Variants in ZNF536 observed in about 807,000 individuals in gnomAD.
The protein encoded by ZNF536 is zinc finger protein 536.
In ZNF536, 13 loss-of-function variants were observed where a neutral mutation model predicts 84.5. The observed-to-expected ratio is 0.15, with a 90% confidence interval of 0.10 to 0.24. The LOEUF (loss-of-function observed/expected upper bound fraction) is 0.24. Among genes scored for constraint, ZNF536 ranks in the 10% least tolerant of loss-of-function variants. ZNF536 has a pLI of 1.00. For synonymous variants in ZNF536, 811 were observed against 742.5 expected, an observed-to-expected ratio of 1.09 and a Z score of -1.50; for missense variants, 1,536 against 1,747.5, an observed-to-expected ratio of 0.88 and a Z score of 2.16.
intron 2 of ZNF536, among the ~76,000 whole-genome samples, chr19:30,288,108 A>G (rs1347632151): frequency 6.6e-6 from 1 of 152,222 alleles, no homozygotes; most frequent in Non-Finnish European, 1.5e-5. Context: ...AAATGTCTTT[A>G]AAAATCCACA....
At chr19:30,313,766 G>A (rs1444768643) in intron 2 of ZNF536, among the ~76,000 whole-genome samples, 1 of 152,188 alleles carries the variant, frequency 6.6e-6, no homozygotes, top group Non-Finnish European at 1.5e-5. Context: ...GTGGCATCCT[G>A]AGTACAGGTG....
chr19:30,243,420 T>G (rs2024071464), intron 1 of ZNF536, among the ~76,000 whole-genome samples: 1 of 152,194 alleles, frequency 6.6e-6, no homozygotes, highest in Non-Finnish European at 1.5e-5. Context: ...CAACAGTTCT[T>G]TTTCCTCCGA....
intron 1 of ZNF536, among the ~76,000 whole-genome samples, chr19:30,598,839 TTC>T (rs1163587454): frequency 2.0e-5 from 3 of 152,016 alleles, no homozygotes; most frequent in Admixed American, 6.5e-5. Context: ...GAAAAATTTC[TTC>T]TCTCTTTTCT....
chr19:30,645,767 T>TGCAGCCCACTA (rs891865434), intron 1 of ZNF536, among the ~76,000 whole-genome samples: 1 of 152,236 alleles, frequency 6.6e-6, no homozygotes, highest in African/African-American at 2.4e-5. Flanking sequence ...TGCTAGTGGC[T>TGCAGCCCACTA]GCAGCCCACT....
In ZNF536 at chr19:30,557,347, G is replaced by A. The variant is rs78207217; in HGVS notation, c.*183G>A. The A allele has an allele frequency of 2.3e-3, 1,320 of 577,558 alleles. 17 individuals carry two copies. The highest frequency in any genetic ancestry group is 0.023 in the African/African-American group (1,211 of 52,996). 35.8% of individuals were successfully genotyped at this position (577,558 alleles called of 1,614,324 possible). On this transcript the variant is annotated 3_prime_UTR_variant, in exon 5 of 5. Transcript: ENST00000355537. ...GGTGCACCAATCTACAGTATATATAGCAGAGAATCAGAGGCTAAAAATATT... is the reference window on the plus strand; with the variant it reads ...GGTGCACCAATCTACAGTATATATAACAGAGAATCAGAGGCTAAAAATATT...
intron 1 of ZNF536, among the ~76,000 whole-genome samples, chr19:30,282,089 A>G (rs1213548302): frequency 6.6e-6 from 1 of 152,256 alleles, no homozygotes; most frequent in Non-Finnish European, 1.5e-5. Context: ...ATCTGTGGTC[A>G]GATGGAGTCA....
rs2048646562 is a variant in ZNF536 at position 30,372,553 on chromosome 19, C to G, written c.-6C>G. 1 of 152,116 alleles carries G rather than the reference C, an allele frequency of 6.6e-6. No homozygotes were observed. The highest frequency in any genetic ancestry group is 2.4e-5 in the African/African-American group (1 of 41,422). 9.4% of individuals were successfully genotyped at this position (152,116 alleles called of 1,614,324 possible). On this transcript the variant is annotated 5_prime_UTR_variant, in exon 1 of 5. It introduces an in-frame stop codon into an upstream open reading frame of the 5' UTR. Coordinates refer to ENST00000355537, the MANE Select transcript of ZNF536 (RefSeq NM_014717.3). ...GTTCCATTTCCATTTTCCCTGTTCT[C>G]AAGGTAATTCAGCTTTCTTTGTGTG...
chr19:30,645,670 C>T (rs2049439347), intron 1 of ZNF536, among the ~76,000 whole-genome samples: 1 of 152,178 alleles, frequency 6.6e-6, no homozygotes, highest in Admixed American at 6.5e-5. Context: ...GGATCTGTGT[C>T]TATATCCATA....
chr19:30,661,007 T>G (rs997649245), intron 1 of ZNF536, among the ~76,000 whole-genome samples: 59 of 152,346 alleles, frequency 3.9e-4, no homozygotes, highest in African/African-American at 1.4e-3. Flanking sequence ...GTGAGCCCAG[T>G]GTTCCGAAGA....
intron 4 of ZNF536, among the ~76,000 whole-genome samples, chr19:30,549,983 A>G (rs1421890122): frequency 1.3e-5 from 2 of 152,234 alleles, no homozygotes; most frequent in African/African-American, 2.4e-5. Context: ...AGAGGATACT[A>G]AAATCATATC....
At chr19:30,386,484 C>T (rs2147267471) in intron 1 of ZNF536, among the ~76,000 whole-genome samples, 1 of 152,306 alleles carries the variant, frequency 6.6e-6, no homozygotes, top group Middle Eastern at 3.4e-3. Flanking sequence ...CTCAGGTGAT[C>T]CTCCTACCTC....
chr19:30,314,224 A>T (rs2046603650), intron 2 of ZNF536, among the ~76,000 whole-genome samples: 1 of 152,168 alleles, frequency 6.6e-6, no homozygotes. Flanking sequence ...GCAGGGCAGC[A>T]GTCCTGAGCT....
intron 4 of ZNF536, among the ~76,000 whole-genome samples, chr19:30,553,102 A>T (rs934467932): frequency 6.6e-6 from 1 of 152,228 alleles, no homozygotes; most frequent in East Asian, 1.9e-4. Context: ...CTCCAGTGCC[A>T]TCGGAGAATT....
At chr19:30,407,118 G>T (rs1270101073) in intron 1 of ZNF536, among the ~76,000 whole-genome samples, 2 of 152,180 alleles carry the variant, frequency 1.3e-5, no homozygotes, top group African/African-American at 2.4e-5. Flanking sequence ...ACCGGAACCA[G>T]GGAGCCAGCC....
chr19:30,463,062 G>T (rs1040817161), intron 2 of ZNF536, among the ~76,000 whole-genome samples: 1 of 142,908 alleles, frequency 7.0e-6, no homozygotes, highest in Non-Finnish European at 1.6e-5. Context: ...GTGTTGGAAT[G>T]GGATGGGGTG....
exon 2 of ZNF536, chr19:30,712,486 G>C (rs1342378620): frequency 6.6e-6 from 1 of 150,422 alleles, no homozygotes; most frequent in African/African-American, 2.4e-5. Context: ...TTAAACCCCA[G>C]GGCCTTAAAA....
chr19:30,540,203 G>C (rs1385630215), intron 3 of ZNF536, among the ~76,000 whole-genome samples: 2 of 152,126 alleles, frequency 1.3e-5, no homozygotes, highest in Non-Finnish European at 2.9e-5. Flanking sequence ...ACTCCTGGCT[G>C]CTGTCTTCAC....
chr19:30,254,628 GA>G (rs1184348924), intron 1 of ZNF536, among the ~76,000 whole-genome samples: 3 of 149,840 alleles, frequency 2.0e-5, no homozygotes, highest in Admixed American at 6.7e-5. Context: ...CTGGAATGTG[GA>G]CCCGCCAATG....
intron 2 of ZNF536, among the ~76,000 whole-genome samples, chr19:30,520,752 C>T (rs140903705): frequency 9.2e-5 from 14 of 152,202 alleles, no homozygotes; most frequent in East Asian, 5.8e-4. Flanking sequence ...GCTGGTTTAC[C>T]TTTTTCATAC....
Sources: allele counts gnomAD v4.1 joint callset (sites outside exome capture counted in the v4.1 genomes callset), GRCh38; gene constraint gnomAD v4.1.1; transcripts MANE v1.5; gene names NCBI Gene and HGNC (gene_info 2026-07-23, HGNC 2026-07-21).